HPR: variants seen among roughly 807,000 people sequenced by gnomAD.
HPR encodes the protein Haptoglobin-related locus.
HPR carries 17 observed loss-of-function variants against 18.5 expected under a neutral mutation model. The ratio of observed to expected loss-of-function variants is 0.92; its 90% CI spans 0.63 to 1.38. The LOEUF is 1.38. HPR is among the 40% of genes most tolerant of loss of function. The pLI, the probability that HPR is intolerant of heterozygous loss-of-function variation, is 0.00. For synonymous variants in HPR, 176 were observed against 165.0 expected, an observed-to-expected ratio of 1.07 and a Z score of -0.51; for missense variants, 457 against 432.4, an observed-to-expected ratio of 1.06 and a Z score of -0.51.
intron 1 of HPR, among the ~76,000 whole-genome samples, chr16:72,064,684 T>C (rs1208418488): frequency 6.6e-6 from 1 of 152,238 alleles, no homozygotes; most frequent in African/African-American, 2.4e-5. Flanking sequence ...CCAGGAGCTC[T>C]ATTCTGCAAA....
rs140010387 is a variant in HPR at position 72,073,731 on chromosome 16, TATTG to T, written c.6-157_6-154del. 1.5e-3 allele frequency: 2,334 copies of T among 1,543,204 alleles called. 83 individuals carry two copies. In the East Asian group the frequency reaches 0.054, roughly 35 times the overall value. On this transcript the variant is annotated intron_variant, in intron 1 of 4. Coordinates refer to ENST00000540303, the MANE Select transcript of HPR (RefSeq NM_020995.4). ...ACTTCTTGGTCCTAGCACTTCCATA[TATTG>T]ATTTTCTTTTCTGGCTGCTTAGTGG...
intron 1 of HPR, among the ~76,000 whole-genome samples, chr16:72,067,266 T>C (rs7203821): frequency 0.56 from 84,890 of 151,872 alleles, 24,240 homozygotes; most frequent in South Asian, 0.65. Flanking sequence ...CATTTTTGGT[T>C]GATTCAGGAG....
chr16:72,069,954 C>T (rs2041637639), intron 1 of HPR, among the ~76,000 whole-genome samples: 1 of 152,134 alleles, frequency 6.6e-6, no homozygotes, highest in Admixed American at 6.5e-5. Flanking sequence ...TGGACTAATA[C>T]AAAGCACTGA....
chr16:72,064,276 T>C (rs1228121768), intron 1 of HPR, among the ~76,000 whole-genome samples: 1 of 152,192 alleles, frequency 6.6e-6, no homozygotes, highest in Non-Finnish European at 1.5e-5. Flanking sequence ...TATTGTTAAA[T>C]ACAGTAAGAA....
At chr16:72,071,672 C>A (rs2041657021) in intron 1 of HPR, among the ~76,000 whole-genome samples, 1 of 152,196 alleles carries the variant, frequency 6.6e-6, no homozygotes, top group Admixed American at 6.5e-5. Context: ...TGCCCTTAGT[C>A]ATCCTCGAGC....
In HPR at chr16:72,073,977, G is replaced by C; in HGVS notation, c.91G>C (p.Asp31His). 6.2e-7 allele frequency: 1 copy of C among 1,614,008 alleles called. No individual in the cohort carries two copies. The highest frequency in any genetic ancestry group is 8.5e-7 in the Non-Finnish European group (1 of 1,179,990). Residue 31 changes from aspartate to histidine, a missense_variant and splice_region_variant, in exon 2 of 5, where the codon GAT (aspartate) becomes CAT (histidine). By Grantham distance (81) the Asp-to-His change is moderately conservative. Coordinates refer to ENST00000540303, the MANE Select transcript of HPR (RefSeq NM_020995.4). ...AGGCAATGATGTCACGGATATTTCA[G>C]GTCAGTCTTTGAGTTGGGTAGGAGC... ...YSGNDVTDIS[D>H]DRFPKPPEIA...
At position 72,076,569 on chromosome 16, in the gene HPR, G is replaced by A. The variant is rs764478431; in HGVS notation, c.535G>A (p.Val179Ile). The change falls in exon 5 of 5, where the codon GTT becomes ATT. Residue 179 changes from valine (V) to isoleucine (I), a missense_variant. Coordinates refer to ENST00000540303, the MANE Select transcript of HPR (RefSeq NM_020995.4). ...GCAGCTTGTAGAGATTGAGAAGGTG[G>A]TTCTACACCCTAACTACCACCAGGT... ...KKQLVEIEKV[V>I]LHPNYHQVDI... The A allele has an allele frequency of 1.9e-6, 3 of 1,614,194 alleles. No individual in the cohort carries two copies. Among genetic ancestry groups the A allele is most frequent in the Admixed American group, 3.3e-5 (2 of 60,026 alleles).
intron 1 of HPR, among the ~76,000 whole-genome samples, chr16:72,070,548 C>G (rs2041643827): frequency 6.6e-6 from 1 of 152,186 alleles, no homozygotes; most frequent in African/African-American, 2.4e-5. Flanking sequence ...GCTGCCACCT[C>G]CAGGATCATA....
intron 1 of HPR, 95 bp from the exon 2 acceptor site, chr16:72,073,797 T>C (rs1366045013): frequency 4.6e-6 from 7 of 1,520,250 alleles, no homozygotes; most frequent in Admixed American, 3.4e-5. Flanking sequence ...TGTGTGCGTG[T>C]GTGTGTGTGT....
intron 4 of HPR, among the ~76,000 whole-genome samples, 160 bp downstream of exon 4, chr16:72,075,379 G>A (rs1254856407): frequency 6.6e-6 from 1 of 152,178 alleles, no homozygotes; most frequent in Non-Finnish European, 1.5e-5. Flanking sequence ...TAAGCAGTTA[G>A]GTGATGACTC....
intron 1 of HPR, among the ~76,000 whole-genome samples, chr16:72,071,358 G>A (rs1038232045): frequency 1.3e-5 from 2 of 152,138 alleles, no homozygotes; most frequent in Non-Finnish European, 2.9e-5. Flanking sequence ...TTGTGCTCAC[G>A]GTAGACCAGA....
chr16:72,066,292 GA>G (rs1362191463), intron 1 of HPR, among the ~76,000 whole-genome samples: 1 of 152,142 alleles, frequency 6.6e-6, no homozygotes, highest in Non-Finnish European at 1.5e-5. Flanking sequence ...CAATTCTTAG[GA>G]CCTCAGTTAT....
chr16:72,076,883 C>T lies in HPR; in HGVS notation c.849C>T (p.Val283=), dbSNP rs571997691. The T allele has an allele frequency of 5.6e-5, 90 of 1,614,170 alleles. No individual in the cohort carries two copies. The highest frequency in any genetic ancestry group is 6.6e-5 in the South Asian group (6 of 91,070). Reference sequence around the variant, plus strand: ...TACTGAACGAACACACCTTCTGTGTCGGCATGTCTAAGTACCAGGAAGACA... The same window carrying T: ...TACTGAACGAACACACCTTCTGTGTTGGCATGTCTAAGTACCAGGAAGACA... ...QPILNEHTFC[V]GMSKYQEDTC... is the part of the protein sequence containing the mutation. The change falls in exon 5 of 5, where the codon GTC becomes GTT. Residue 283 remains valine, a synonymous_variant. Transcript: ENST00000540303.
At chr16:72,074,410 T>C (rs1311885148) in intron 3 of HPR, 25 bp downstream of exon 3, 2 of 1,550,616 alleles carry the variant, frequency 1.3e-6, no homozygotes, top group Non-Finnish European at 1.8e-6. Context: ...ACTATCTCTG[T>C]GCTCTACCTA....
chr16:72,069,627 C>T (rs1381687697), intron 1 of HPR, among the ~76,000 whole-genome samples: 3 of 152,150 alleles, frequency 2.0e-5, no homozygotes, highest in Non-Finnish European at 4.4e-5. Flanking sequence ...GATCCCAAGC[C>T]ATGTGCGATG....
chr16:72,066,070 T>C (rs1239869100), intron 1 of HPR, among the ~76,000 whole-genome samples: 1 of 152,168 alleles, frequency 6.6e-6, no homozygotes, highest in Non-Finnish European at 1.5e-5. Context: ...CAACATGAAA[T>C]AGAGCAGTGT....
intron 1 of HPR, among the ~76,000 whole-genome samples, chr16:72,070,082 G>A (rs1311044331): frequency 6.6e-6 from 1 of 152,130 alleles, no homozygotes; most frequent in Admixed American, 6.5e-5. Flanking sequence ...GAGTAGAAAG[G>A]ATGAATCAGA....
chr16:72,072,945 A>T (rs148007625), intron 1 of HPR, among the ~76,000 whole-genome samples: 1 of 152,234 alleles, frequency 6.6e-6, no homozygotes, highest in Non-Finnish European at 1.5e-5. Context: ...TCAAGGCCAG[A>T]CTTCCTTACT....
chr16:72,064,873 G>A (rs2041581414), intron 1 of HPR, among the ~76,000 whole-genome samples: 1 of 152,098 alleles, frequency 6.6e-6, no homozygotes. Flanking sequence ...TTGTTGCAGT[G>A]GCCTCATGAG....
Sources: allele counts gnomAD v4.1 joint callset (sites outside exome capture counted in the v4.1 genomes callset), GRCh38; gene constraint gnomAD v4.1.1; transcripts MANE v1.5; gene names NCBI Gene and HGNC (gene_info 2026-07-23, HGNC 2026-07-21).